Variants in CACNA1C observed in about 807,000 individuals in gnomAD.
The protein encoded by CACNA1C is calcium voltage-gated channel subunit alpha1 C.
A neutral mutation model predicts 229.0 loss-of-function variants in CACNA1C; 30 were observed. The ratio of observed to expected loss-of-function variants is 0.13; its 90% CI spans 0.10 to 0.18. The LOEUF is 0.18. Among genes scored for constraint, CACNA1C ranks in the 10% least tolerant of loss-of-function variants. The pLI is 1.00. For synonymous variants in CACNA1C, 1,114 were observed against 1,132.5 expected, an observed-to-expected ratio of 0.98 and a Z score of 0.33; for missense variants, 1,658 against 2,845.0, an observed-to-expected ratio of 0.58 and a Z score of 9.49.
At chr12:2,101,630 G>A (rs538287611) in intron 1 of CACNA1C, among the ~76,000 whole-genome samples, 3 of 152,168 alleles carry the variant, frequency 2.0e-5, no homozygotes, top group Non-Finnish European at 4.4e-5. Context: ...GACCCACGAG[G>A]CTGGGTGTTC....
At chr12:2,177,527 CT>C in intron 3 of CACNA1C, among the ~76,000 whole-genome samples, 1 of 146,912 alleles carries the variant, frequency 6.8e-6, no homozygotes, top group African/African-American at 2.5e-5. Context: ...CTTCCTTCCT[CT>C]CCTCTCCCTT....
chr12:2,563,179 G>C (rs898154556), intron 11 of CACNA1C, among the ~76,000 whole-genome samples: 6 of 152,158 alleles, frequency 3.9e-5, no homozygotes, highest in Admixed American at 2.6e-4. Flanking sequence ...ATGGCCTCCA[G>C]TTCCATCCAT....
intron 3 of CACNA1C, among the ~76,000 whole-genome samples, chr12:2,264,512 G>A (rs2081555703): frequency 6.6e-6 from 1 of 152,218 alleles, no homozygotes; most frequent in Non-Finnish European, 1.5e-5. Flanking sequence ...ATGACCTAGG[G>A]CAAATCACTT....
chr12:2,666,692 T>C lies in CACNA1C; in HGVS notation c.4533T>C (p.Arg1511=), dbSNP rs1060504920. The change falls in exon 37 of 47, where the codon CGT becomes CGC. Residue 1511 remains arginine, a synonymous_variant. Coordinates refer to ENST00000399655, the MANE Select transcript of CACNA1C (RefSeq NM_000719.7). The surrounding 1 kb of genome is among the most constrained non-coding windows in gnomAD (Gnocchi z 5.3). ...CCTCTCCCTCCTCTTCTAGGGGTCG[T>C]ATCAAACACCTGGATGTGGTGACCC... is the stretch of plus-strand genomic sequence containing the variant. ...WAEYDPEAKG[R]IKHLDVVTLL... 1 of 1,589,146 alleles carries C rather than the reference T, an allele frequency of 6.3e-7. No homozygotes were observed.
At chr12:2,341,163 A>T (rs565293102) in intron 3 of CACNA1C, among the ~76,000 whole-genome samples, 1 of 152,172 alleles carries the variant, frequency 6.6e-6, no homozygotes, top group East Asian at 1.9e-4. Flanking sequence ...GGCTTGGGGC[A>T]GTGAGGGGAG....
chr12:2,157,682 T>G (rs565084778), intron 3 of CACNA1C, among the ~76,000 whole-genome samples: 12 of 152,340 alleles, frequency 7.9e-5, no homozygotes, highest in African/African-American at 2.6e-4. Context: ...GCTCACAATG[T>G]CCCATCAGTT....
At chr12:2,026,954 T>A (rs2047429152) in intron 1 of CACNA1C, among the ~76,000 whole-genome samples, 1 of 152,234 alleles carries the variant, frequency 6.6e-6, no homozygotes, top group Non-Finnish European at 1.5e-5. Context: ...AAAACGATGC[T>A]TTTCCTTCAG....
chr12:2,556,217 G>A (rs2044177199), intron 10 of CACNA1C, among the ~76,000 whole-genome samples: 1 of 151,880 alleles, frequency 6.6e-6, no homozygotes. Flanking sequence ...CCAGCCTCCT[G>A]CCTCCCCTGG....
chr12:2,080,150 T>C (rs1203107508), intron 1 of CACNA1C, among the ~76,000 whole-genome samples: 1 of 151,940 alleles, frequency 6.6e-6, no homozygotes, highest in African/African-American at 2.4e-5. Context: ...TAGTCCCAGC[T>C]CCCTGGGAGG....
chr12:2,373,161 C>A (rs996573486), intron 3 of CACNA1C, among the ~76,000 whole-genome samples: 1 of 152,164 alleles, frequency 6.6e-6, no homozygotes, highest in Non-Finnish European at 1.5e-5. Flanking sequence ...TTCCCCAACC[C>A]TTCATTTGAG....
chr12:2,060,018 A>C (rs1278648118), intron 1 of CACNA1C, among the ~76,000 whole-genome samples: 1 of 152,204 alleles, frequency 6.6e-6, no homozygotes, highest in Non-Finnish European at 1.5e-5. Context: ...GAAATCTATC[A>C]TTGGAAAGGT....
intron 3 of CACNA1C, among the ~76,000 whole-genome samples, chr12:2,336,022 C>CAAAAAAA (rs34731308): frequency 1.1e-5 from 1 of 92,562 alleles, no homozygotes. Flanking sequence ...AAAACAACTC[C>CAAAAAAA]AAAAAAAAAA....
At chr12:2,161,118 C>T (rs905682387) in intron 3 of CACNA1C, among the ~76,000 whole-genome samples, 6 of 152,260 alleles carry the variant, frequency 3.9e-5, no homozygotes, top group African/African-American at 1.4e-4. Flanking sequence ...CCGCACCCGG[C>T]TAGCTCTGGT....
chr12:2,629,032 C>G (rs147526247), intron 29 of CACNA1C, among the ~76,000 whole-genome samples: 2 of 152,090 alleles, frequency 1.3e-5, no homozygotes, highest in African/African-American at 4.8e-5. Flanking sequence ...GGTATTGGTC[C>G]TCACATTAAC....
chr12:2,322,630 G>A (rs1164212910), intron 3 of CACNA1C, among the ~76,000 whole-genome samples: 1 of 152,216 alleles, frequency 6.6e-6, no homozygotes, highest in Non-Finnish European at 1.5e-5. Flanking sequence ...CCAAAGTCAG[G>A]TGTTCCTCCC....
intron 7 of CACNA1C, among the ~76,000 whole-genome samples, chr12:2,500,935 A>G (rs2099758173): frequency 6.6e-6 from 1 of 152,138 alleles, no homozygotes; most frequent in Admixed American, 6.5e-5. Flanking sequence ...GGCCGGGGGC[A>G]GTGGCTCATG....
intron 1 of CACNA1C, among the ~76,000 whole-genome samples, chr12:2,047,520 G>A (rs754515988): frequency 6.6e-6 from 1 of 152,186 alleles, no homozygotes; most frequent in Non-Finnish European, 1.5e-5. Flanking sequence ...CAGGCTCTTC[G>A]CTGTATTTAA....
chr12:2,236,761 G>A (rs1171125076), intron 3 of CACNA1C, among the ~76,000 whole-genome samples: 1 of 152,120 alleles, frequency 6.6e-6, no homozygotes, highest in Admixed American at 6.5e-5. Flanking sequence ...CCAGCAACCT[G>A]AGCAGAGGCG....
chr12:2,523,577 G>A (rs1253636835), intron 9 of CACNA1C, among the ~76,000 whole-genome samples: 1 of 150,060 alleles, frequency 6.7e-6, no homozygotes, highest in Non-Finnish European at 1.5e-5. Context: ...AGCACTATGG[G>A]GCCCCGGGGG....
Sources: allele counts gnomAD v4.1 joint callset (sites outside exome capture counted in the v4.1 genomes callset), GRCh38; gene constraint gnomAD v4.1.1; non-coding constraint Gnocchi (gnomAD v3.1); transcripts MANE v1.5; gene names NCBI Gene and HGNC (gene_info 2026-07-23, HGNC 2026-07-21).